ZMYM5: variants seen among roughly 807,000 people sequenced by gnomAD.
ZMYM5 encodes zinc finger MYM-type containing 5, also known as zinc finger MYM-type protein 5.
Under a neutral mutation model 61.8 loss-of-function variants are expected in ZMYM5, and 41 were observed. The observed-to-expected ratio is 0.66, with a 90% confidence interval of 0.52 to 0.86. The LOEUF is 0.86. ZMYM5 is among the 40% of genes least tolerant of loss of function. The pLI, the probability that ZMYM5 is intolerant of heterozygous loss-of-function variation, is 0.00. For missense variants in ZMYM5, 706 were observed against 786.7 expected (o/e 0.90, Z 1.23); for synonymous variants, 257 against 276.4 (o/e 0.93, Z 0.70).
At chr13:19,835,846 T>TA (rs1316028812) in intron 6 of ZMYM5, among the ~76,000 whole-genome samples, 157 bp from the exon 7 acceptor site, 2 of 151,722 alleles carry the variant, frequency 1.3e-5, no homozygotes, top group Non-Finnish European at 2.9e-5. Flanking sequence ...TTTTCTGAGA[T>TA]AGAGTCTCAC....
Position 19,857,640 on chromosome 13 carries a change from T to TA in ZMYM5, c.-11+4758dup, listed in dbSNP as rs145581556. On this transcript the variant is annotated intron_variant, in intron 2 of 7. Transcript: ENST00000337963. ...GCCTCACACCTATAATCCTAACACT[T>TA]AGGGAGGCCAAGGCAGGAGGATCAC... is the stretch of plus-strand genomic sequence containing the variant. Among the ~76,000 whole-genome samples the TA allele has an allele frequency of 2.2e-3, 336 of 152,202 alleles. 1 individual carries two copies. The highest frequency in any genetic ancestry group is 8.0e-3 in the African/African-American group (333 of 41,532).
At chr13:19,847,932 C>T (rs1025272547) in intron 4 of ZMYM5, among the ~76,000 whole-genome samples, 8 of 149,506 alleles carry the variant, frequency 5.4e-5, no homozygotes, top group East Asian at 2.0e-4. Flanking sequence ...GGATTACAGG[C>T]GTGAGCCACT....
At chr13:19,831,419 C>T (rs1196966006) in intron 7 of ZMYM5, among the ~76,000 whole-genome samples, 3 of 151,876 alleles carry the variant, frequency 2.0e-5, no homozygotes, top group Non-Finnish European at 2.9e-5. Context: ...GCCACTGTGC[C>T]CCACTGAGTT....
intron 4 of ZMYM5, among the ~76,000 whole-genome samples, chr13:19,847,567 TAGTTATTTTTC>T (rs1953119006): frequency 6.6e-6 from 1 of 152,100 alleles, no homozygotes; most frequent in Admixed American, 6.6e-5. Flanking sequence ...TCTTTGAAAA[TAGTTATTTTTC>T]ATTACAAATG....
chr13:19,848,172 AC>A (rs1185432215), intron 4 of ZMYM5, among the ~76,000 whole-genome samples: 1 of 151,688 alleles, frequency 6.6e-6, no homozygotes, highest in African/African-American at 2.4e-5. Context: ...TTTGTAAGAG[AC>A]GGGGTTTCAC....
In ZMYM5 at chr13:19,848,561, T is replaced by C. The variant is rs920176442; in HGVS notation, c.586+2794A>G. Among the ~76,000 whole-genome samples the C allele has an allele frequency of 6.0e-5, 9 of 150,748 alleles. No individual in the cohort carries two copies. The East Asian group carries it at 1.8e-3, about 30-fold the overall frequency. ...CCTCTTTGTTTTTTTTTGAGACAAG[T>C]CTCACTTTGTCGCCCAGGCTGGAGT... On this transcript the variant is annotated intron_variant, in intron 4 of 7. Coordinates refer to ENST00000337963, the MANE Select transcript of ZMYM5 (RefSeq NM_001142684.2).
At chr13:19,839,116 C>T (rs997816342) in intron 4 of ZMYM5, 131 bp from the exon 5 acceptor site, 4 of 1,011,414 alleles carry the variant, frequency 4.0e-6, no homozygotes, top group Non-Finnish European at 5.7e-6. Context: ...AGGCCAAACA[C>T]TCTTGATGCA....
intron 2 of ZMYM5, among the ~76,000 whole-genome samples, chr13:19,859,106 T>C (rs1463888317): frequency 6.6e-6 from 1 of 151,856 alleles, no homozygotes; most frequent in African/African-American, 2.4e-5. Context: ...CATTCCAGCC[T>C]GGGCAACAAG....
At position 19,852,088 on chromosome 13, in the gene ZMYM5, T is replaced by C; in HGVS notation, c.93A>G (p.Ile31Met). ...AAGCTGGATGACCAAATGAATCCCC[T>C]ATGTCCATGAGACTAGTTGCCATGG... ...NMAMATSLMD[I>M]GDSFGHPACP... Residue 31 changes from isoleucine to methionine, a missense_variant, in exon 3 of 8, where the codon ATA becomes ATG. Transcript: ENST00000337963. 1.2e-6 allele frequency: 2 copies of C among 1,613,918 alleles called. No individual in the cohort carries two copies. Among genetic ancestry groups the C allele is most frequent in the Non-Finnish European group, 1.7e-6 (2 of 1,180,010 alleles).
intron 4 of ZMYM5, among the ~76,000 whole-genome samples, chr13:19,848,205 G>C (rs1406828134): frequency 6.6e-6 from 1 of 151,748 alleles, no homozygotes; most frequent in Non-Finnish European, 1.5e-5. Flanking sequence ...GGCTGGTCTT[G>C]AACTCCTGAC....
intron 7 of ZMYM5, among the ~76,000 whole-genome samples, chr13:19,830,066 C>T (rs1452196628): frequency 6.6e-6 from 1 of 152,098 alleles, no homozygotes; most frequent in East Asian, 1.9e-4. Context: ...CCAGCAGCAC[C>T]CCTCAGGTGT....
At chr13:19,860,994 T>C (rs958778934) in intron 2 of ZMYM5, among the ~76,000 whole-genome samples, 1 of 151,600 alleles carries the variant, frequency 6.6e-6, no homozygotes, top group Non-Finnish European at 1.5e-5. Flanking sequence ...CTTTTTTTTT[T>C]TTCTTAAGAC....
chr13:19,844,668 C>T lies in ZMYM5; in HGVS notation c.587-5683G>A, dbSNP rs190901916. On this transcript the variant is annotated intron_variant, in intron 4 of 7. Transcript: ENST00000337963. The stretch of plus-strand genomic sequence containing the variant: ...ATGGAGTTTCGCTCTTGTTGCCAGG[C>T]TGGAGTGCAGTGGCGCAATATCGGC... Among the ~76,000 whole-genome samples the T allele has an allele frequency of 1.6e-3, 241 of 152,300 alleles. 1 individual carries two copies. Among genetic ancestry groups the T allele is most frequent in the Admixed American group, 8.9e-3 (136 of 15,276 alleles).
intron 7 of ZMYM5, 40 bp downstream of exon 7, chr13:19,835,437 C>A (rs751367980): frequency 1.6e-6 from 2 of 1,272,346 alleles, no homozygotes; most frequent in Admixed American, 2.1e-5. Context: ...GGTGAAGCTA[C>A]TATATATTTG....
rs200818765 is a variant in ZMYM5, at chr13:19,852,002, A to G, written c.179T>C (p.Val60Ala). The change falls in exon 3 of 8, where the codon GTT (valine) becomes GCT (alanine). Residue 60 changes from valine (V) to alanine (A), a missense_variant. Coordinates refer to ENST00000337963, the MANE Select transcript of ZMYM5 (RefSeq NM_001142684.2). ...PVEDDDDDDD[V>A]VFIESIQPPS... ...AGGTTGTATAGATTCAATAAACACA[A>G]CATCATCATCATCATCATCATCTTC... The G allele has an allele frequency of 6.2e-7, 1 of 1,613,166 alleles. No homozygotes were observed. Among genetic ancestry groups the G allele is most frequent in the South Asian group, 1.1e-5 (1 of 91,048 alleles).
Position 19,823,537 on chromosome 13 carries a change from G to C in ZMYM5, c.*940C>G, listed in dbSNP as rs144146082. ...TTTATATTTTTATCAACATAAAATA[G>C]GTAAATATAGTTCACATACAATAAT... On this transcript the variant is annotated 3_prime_UTR_variant, in exon 8 of 8. Transcript: ENST00000337963. The C allele has an allele frequency of 6.6e-6, 1 of 151,364 alleles. No individual in the cohort carries two copies. The highest frequency in any genetic ancestry group is 1.5e-5 in the Non-Finnish European group (1 of 67,838). 9.4% of individuals were successfully genotyped at this position (151,364 alleles called of 1,614,324 possible).
intron 7 of ZMYM5, among the ~76,000 whole-genome samples, chr13:19,827,724 A>G (rs1890980946): frequency 6.6e-6 from 1 of 152,136 alleles, no homozygotes; most frequent in Non-Finnish European, 1.5e-5. Flanking sequence ...AAAAAGATTT[A>G]ACATAATAAA....
At chr13:19,849,088 G>A (rs758754435) in intron 4 of ZMYM5, among the ~76,000 whole-genome samples, 1 of 152,094 alleles carries the variant, frequency 6.6e-6, no homozygotes, top group Non-Finnish European at 1.5e-5. Flanking sequence ...ATAGGGGAAT[G>A]AGTACTTCAG....
chr13:19,837,471 C>A, intron 6 of ZMYM5, 185 bp downstream of exon 6: 10 of 1,574,726 alleles, frequency 6.4e-6, no homozygotes, highest in Non-Finnish European at 8.5e-6. Context: ...CCATGCTATG[C>A]AAATGGAATT....
Sources: gnomAD v4.1 joint callset for allele counts (sites outside exome capture counted in the v4.1 genomes callset) on GRCh38, gnomAD v4.1.1 for gene constraint, MANE v1.5 for transcripts, NCBI Gene and HGNC (gene_info 2026-07-23, HGNC 2026-07-21) for gene names.